KCNH8: variants seen among roughly 807,000 people sequenced by gnomAD.
The protein encoded by KCNH8 is potassium voltage-gated channel subfamily H member 8.
KCNH8 carries 70 observed loss-of-function variants against 103.6 expected under a neutral mutation model. The ratio of observed to expected loss-of-function variants is 0.68; its 90% confidence interval spans 0.56 to 0.82. The LOEUF is 0.82. Ranked by LOEUF, KCNH8 falls within the 40% of genes least tolerant of loss-of-function variation. The pLI, the probability that KCNH8 is intolerant of heterozygous loss-of-function variation, is 0.00. For synonymous variants in KCNH8, 498 were observed against 489.4 expected, an observed-to-expected ratio of 1.02 and a Z score of -0.23; for missense variants, 1,217 against 1,329.9, an observed-to-expected ratio of 0.92 and a Z score of 1.32.
intron 11 of KCNH8, among the ~76,000 whole-genome samples, chr3:19,498,437 T>G (rs1575143296): frequency 6.6e-6 from 1 of 152,214 alleles, no homozygotes; most frequent in Admixed American, 6.5e-5. Flanking sequence ...AAGGCAGGCA[T>G]GGTGGTAATG....
At chr3:19,210,824 G>A (rs1365578597) in intron 1 of KCNH8, among the ~76,000 whole-genome samples, 2 of 152,142 alleles carry the variant, frequency 1.3e-5, no homozygotes, top group African/African-American at 4.8e-5. Flanking sequence ...TCCTCTGACA[G>A]CACCATCTGG....
At chr3:19,210,875 C>T (rs920701533) in intron 1 of KCNH8, among the ~76,000 whole-genome samples, 4 of 152,074 alleles carry the variant, frequency 2.6e-5, no homozygotes, top group African/African-American at 9.7e-5. Context: ...GTATGATGAG[C>T]TTTTTGCATT....
rs1284928352 is a variant in KCNH8 at position 19,513,827 on chromosome 3, ATGG to A, written c.2435+504_2435+506del. Among the ~76,000 whole-genome samples, 6 of 152,262 alleles carry A rather than the reference ATGG, an allele frequency of 3.9e-5. No individual in the cohort carries two copies. The South Asian group carries it at 8.3e-4, about 21-fold the overall frequency. Reference sequence around the variant, plus strand: ...TGGTCTCTTCAATAAGTAACACAGCATGGTTCCATTTTTCATTTCTTAAAAATC... The same window carrying A: ...TGGTCTCTTCAATAAGTAACACAGCATTCCATTTTTCATTTCTTAAAAATC... On this transcript the variant is annotated intron_variant, in intron 13 of 15. Transcript: ENST00000328405.
chr3:19,232,454 A>G (rs2064007236), intron 1 of KCNH8, among the ~76,000 whole-genome samples: 1 of 152,204 alleles, frequency 6.6e-6, no homozygotes, highest in South Asian at 2.1e-4. Context: ...ACTTCAGCCC[A>G]CTGTTTTCTT....
chr3:19,463,389 CA>C lies in KCNH8; in HGVS notation c.2040+6408del, dbSNP rs2067673499. Among the ~76,000 whole-genome samples, 3 of 152,018 alleles carry C rather than the reference CA, an allele frequency of 2.0e-5. No individual in the cohort carries two copies. In the South Asian group the frequency reaches 6.2e-4, roughly 32 times the overall value. On this transcript the variant is annotated intron_variant, in intron 11 of 15. Transcript: ENST00000328405. The stretch of plus-strand genomic sequence containing the variant: ...AGAGGACAAAATGGAAGAATATATC[CA>C]TAATGTCTAAACCCATAAGGGTTTG...
chr3:19,254,033 T>C (rs2064314264), intron 2 of KCNH8, 146 bp downstream of exon 2: 1 of 623,570 alleles, frequency 1.6e-6, no homozygotes, highest in Non-Finnish European at 2.8e-6. Flanking sequence ...ATGACTTGGA[T>C]GATAGCCTTG....
chr3:19,413,989 G>T (rs2066824031), intron 7 of KCNH8, among the ~76,000 whole-genome samples: 1 of 151,966 alleles, frequency 6.6e-6, no homozygotes, highest in African/African-American at 2.4e-5. Flanking sequence ...AAATAGGATT[G>T]GATTTTAAAA....
At chr3:19,274,853 C>G (rs1439691722) in intron 2 of KCNH8, among the ~76,000 whole-genome samples, 1 of 57,978 alleles carries the variant, frequency 1.7e-5, no homozygotes, top group African/African-American at 7.6e-5. Flanking sequence ...CCCCTCCCCT[C>G]CCCTCCCCAC....
At chr3:19,389,882 G>A (rs886273881) in intron 5 of KCNH8, among the ~76,000 whole-genome samples, 2 of 151,926 alleles carry the variant, frequency 1.3e-5, no homozygotes, top group Non-Finnish European at 2.9e-5. Context: ...CTTTTGCTTC[G>A]TCCTTCCAAA....
At chr3:19,377,065 A>C (rs1365082069) in intron 5 of KCNH8, among the ~76,000 whole-genome samples, 1 of 152,222 alleles carries the variant, frequency 6.6e-6, no homozygotes, top group East Asian at 1.9e-4. Context: ...TCTAGAATAC[A>C]ATGGGAATCT....
intron 1 of KCNH8, among the ~76,000 whole-genome samples, chr3:19,220,591 T>A (rs78339998): frequency 8.1e-6 from 1 of 123,844 alleles, no homozygotes; most frequent in Non-Finnish European, 1.5e-5. Context: ...ATGACACTGA[T>A]TTTTTTTTTC....
chr3:19,368,232 A>G (rs1413138504), intron 5 of KCNH8, among the ~76,000 whole-genome samples: 2 of 152,064 alleles, frequency 1.3e-5, no homozygotes, highest in African/African-American at 4.8e-5. Flanking sequence ...AGAAGCCCAT[A>G]CAATGATTAG....
chr3:19,154,764 G>C (rs2063164857), intron 1 of KCNH8, among the ~76,000 whole-genome samples: 1 of 152,100 alleles, frequency 6.6e-6, no homozygotes, highest in Non-Finnish European at 1.5e-5. Flanking sequence ...TTATGTCCTT[G>C]GTCAAGAAAA....
intron 11 of KCNH8, among the ~76,000 whole-genome samples, chr3:19,462,040 A>G (rs546034393): frequency 6.6e-6 from 1 of 152,128 alleles, no homozygotes; most frequent in South Asian, 2.1e-4. Context: ...CCAGTCTATC[A>G]TTGTTGGACA....
At chr3:19,493,856 T>C (rs1404633584) in intron 11 of KCNH8, among the ~76,000 whole-genome samples, 3 of 152,124 alleles carry the variant, frequency 2.0e-5, no homozygotes, top group Non-Finnish European at 4.4e-5. Context: ...TGTTTTATTA[T>C]AACTTTTATT....
At chr3:19,456,742 A>G in intron 10 of KCNH8, 26 bp from the exon 11 acceptor site, 1 of 1,481,400 alleles carries the variant, frequency 6.8e-7, no homozygotes, top group South Asian at 1.2e-5. Flanking sequence ...TTTTTTTTTG[A>G]AAATGATCTC....
intron 15 of KCNH8, among the ~76,000 whole-genome samples, chr3:19,531,645 T>G (rs2069163290): frequency 6.6e-6 from 1 of 152,236 alleles, no homozygotes; most frequent in African/African-American, 2.4e-5. Flanking sequence ...CCTTTTTAAA[T>G]GCCTGACTTT....
intron 11 of KCNH8, among the ~76,000 whole-genome samples, chr3:19,509,728 G>A (rs2068751893): frequency 6.6e-6 from 1 of 152,038 alleles, no homozygotes; most frequent in Non-Finnish European, 1.5e-5. Flanking sequence ...GTGATCAGTG[G>A]AATATTTGAT....
intron 7 of KCNH8, among the ~76,000 whole-genome samples, chr3:19,413,761 G>A (rs932316411): frequency 2.6e-5 from 4 of 151,978 alleles, no homozygotes; most frequent in Non-Finnish European, 5.9e-5. Flanking sequence ...ATTTGTTACA[G>A]AAGCCCTAGA....
Sources: gnomAD v4.1 joint callset for allele counts (sites outside exome capture counted in the v4.1 genomes callset) on GRCh38, gnomAD v4.1.1 for gene constraint, MANE v1.5 for transcripts, NCBI Gene and HGNC (gene_info 2026-07-23, HGNC 2026-07-21) for gene names.